The following LPP variants were observed in gnomAD, a reference collection of about 807,000 sequenced individuals.
The protein encoded by LPP is LIM domain containing preferred translocation partner in lipoma.
In LPP, 38 loss-of-function variants were observed where a neutral mutation model predicts 60.4. The ratio of observed to expected loss-of-function variants is 0.63; its 90% CI spans 0.49 to 0.83. LPP has a LOEUF of 0.83. LPP is among the 40% of genes least tolerant of loss of function. The pLI, the probability that LPP is intolerant of heterozygous loss-of-function variation, is 0.00. For synonymous variants in LPP, 328 were observed against 290.8 expected, an observed-to-expected ratio of 1.13 and a Z score of -1.30; for missense variants, 902 against 783.6, an observed-to-expected ratio of 1.15 and a Z score of -1.80.
At chr3:188,828,151 T>G (rs982979770) in intron 9 of LPP, among the ~76,000 whole-genome samples, 1 of 152,160 alleles carries the variant, frequency 6.6e-6, no homozygotes, top group African/African-American at 2.4e-5. Flanking sequence ...TGGTGGAGTT[T>G]CCATTCTAGT....
intron 6 of LPP, among the ~76,000 whole-genome samples, chr3:188,584,089 A>G (rs1836876491): frequency 6.6e-6 from 1 of 152,176 alleles, no homozygotes. Flanking sequence ...CTCGGGTGGG[A>G]GTCAAACAGC....
chr3:188,295,077 G>T (rs73061524), intron 2 of LPP, among the ~76,000 whole-genome samples: 5,168 of 152,306 alleles, frequency 0.034, 291 homozygotes, highest in African/African-American at 0.12. Flanking sequence ...AGAGCAGCCG[G>T]TGGACGTGTG....
intron 4 of LPP, among the ~76,000 whole-genome samples, chr3:188,483,373 T>C (rs1805374227): frequency 6.6e-6 from 1 of 152,108 alleles, no homozygotes; most frequent in African/African-American, 2.4e-5. Context: ...TTTGATAATA[T>C]CCAAAAGCAA....
intron 7 of LPP, among the ~76,000 whole-genome samples, chr3:188,647,397 A>T (rs552683898): frequency 5.4e-4 from 82 of 152,204 alleles, no homozygotes; most frequent in African/African-American, 1.9e-3. Flanking sequence ...GAAAAAAAAA[A>T]ATATTTGCCT....
Position 188,334,422 on chromosome 3 carries a change from C to CTTTT in LPP, c.-66-7224_-66-7221dup, listed in dbSNP as rs71167095. On this transcript the variant is annotated intron_variant, in intron 2 of 11. Transcript: ENST00000617246. ...TTGCTGGATCTTACGATATTTCTTT[C>CTTTT]TTTTTTTTTTTTTTTTTTTTGAGAC... is the stretch of plus-strand genomic sequence containing the variant. Among the ~76,000 whole-genome samples, 882 of 98,428 alleles carry CTTTT rather than the reference C, an allele frequency of 9.0e-3. 1 individual carries two copies. Among genetic ancestry groups the CTTTT allele is most frequent in the Middle Eastern group, 0.018 (3 of 166 alleles). The allele number at this position is 98,428 out of a possible 152,430, so 64.6% of individuals were successfully genotyped here.
chr3:188,202,698 T>C (rs936066359), intron 1 of LPP, among the ~76,000 whole-genome samples: 1 of 152,166 alleles, frequency 6.6e-6, no homozygotes, highest in East Asian at 1.9e-4. Context: ...GATATTCAGG[T>C]TGGTCCCTTT....
chr3:188,320,667 A>G (rs1033909421), intron 2 of LPP, among the ~76,000 whole-genome samples: 1 of 152,230 alleles, frequency 6.6e-6, no homozygotes, highest in Non-Finnish European at 1.5e-5. Flanking sequence ...TGACAAGGAC[A>G]TTGAATTTTC....
chr3:188,326,817 T>C (rs2150448315), intron 2 of LPP, among the ~76,000 whole-genome samples: 1 of 152,318 alleles, frequency 6.6e-6, no homozygotes, highest in Middle Eastern at 3.4e-3. Context: ...CCCTGTTTCC[T>C]GCTTGTATTC....
intron 7 of LPP, among the ~76,000 whole-genome samples, chr3:188,685,768 G>A (rs555081061): frequency 1.3e-5 from 2 of 152,152 alleles, no homozygotes; most frequent in African/African-American, 2.4e-5. Context: ...TTGCCTTAAC[G>A]TGGTGTCCCA....
intron 4 of LPP, among the ~76,000 whole-genome samples, chr3:188,468,220 C>T (rs1167108528): frequency 6.6e-6 from 1 of 152,110 alleles, no homozygotes; most frequent in Non-Finnish European, 1.5e-5. Context: ...TTTAACCCTA[C>T]TAAATCTTAA....
rs1769224766 is a variant in LPP at position 188,876,115 on chromosome 3, TG to T, written c.*1637del. 5.3e-6 allele frequency: 1 copy of T among 190,144 alleles called. No homozygotes were observed. The highest frequency in any genetic ancestry group is 2.3e-5 in the African/African-American group (1 of 43,056). The allele number at this position is 190,144 out of a possible 1,614,324, so 11.8% of individuals were successfully genotyped here. On this transcript the variant is annotated 3_prime_UTR_variant, in exon 12 of 12. Transcript: ENST00000617246. The stretch of plus-strand genomic sequence containing the variant: ...AGATATCTTTTTCATTATTGTGAAG[TG>T]ATGTTCAGATTTCTAGTTTTTTTTC...
At chr3:188,285,472 G>A (rs1342258106) in intron 2 of LPP, among the ~76,000 whole-genome samples, 1 of 152,096 alleles carries the variant, frequency 6.6e-6, no homozygotes, top group African/African-American at 2.4e-5. Context: ...AGGGTGGAGT[G>A]CAGTGGTGTG....
At chr3:188,188,909 A>G (rs1168588410) in intron 1 of LPP, among the ~76,000 whole-genome samples, 3 of 152,154 alleles carry the variant, frequency 2.0e-5, no homozygotes, top group East Asian at 1.9e-4. Context: ...CAATTCATAG[A>G]TGAACACTGA....
At chr3:188,456,973 T>C (rs1393968764) in intron 4 of LPP, among the ~76,000 whole-genome samples, 2 of 152,194 alleles carry the variant, frequency 1.3e-5, no homozygotes, top group Non-Finnish European at 2.9e-5. Context: ...CATTAACTCT[T>C]CAGAAACTCC....
chr3:188,412,084 G>T (rs1420986224), intron 4 of LPP, among the ~76,000 whole-genome samples: 2 of 152,034 alleles, frequency 1.3e-5, no homozygotes, highest in African/African-American at 4.8e-5. Context: ...GTTCACGTTT[G>T]TGAAGCTGGA....
chr3:188,216,647 G>C (rs1713743454), intron 1 of LPP, among the ~76,000 whole-genome samples: 1 of 152,218 alleles, frequency 6.6e-6, no homozygotes, highest in Non-Finnish European at 1.5e-5. Context: ...TCACCTGAAA[G>C]AGGAGGTTAC....
intron 5 of LPP, among the ~76,000 whole-genome samples, chr3:188,488,783 C>T (rs1807402303): frequency 6.6e-6 from 1 of 152,018 alleles, no homozygotes; most frequent in Non-Finnish European, 1.5e-5. Context: ...ACTACAGGCA[C>T]CCACCACCAC....
intron 1 of LPP, among the ~76,000 whole-genome samples, chr3:188,223,575 G>A (rs555365052): frequency 6.6e-6 from 1 of 152,148 alleles, no homozygotes; most frequent in Non-Finnish European, 1.5e-5. Flanking sequence ...ATGGAAAATG[G>A]AGACCACTTT....
At chr3:188,690,497 A>C (rs1861876461) in intron 7 of LPP, among the ~76,000 whole-genome samples, 1 of 152,192 alleles carries the variant, frequency 6.6e-6, no homozygotes, top group Non-Finnish European at 1.5e-5. Context: ...GTTTCAAAAA[A>C]CATTCTGTGT....
Sources: allele counts gnomAD v4.1 joint callset (sites outside exome capture counted in the v4.1 genomes callset), GRCh38; gene constraint gnomAD v4.1.1; transcripts MANE v1.5; gene names NCBI Gene and HGNC (gene_info 2026-07-23, HGNC 2026-07-21).